Variants in BLTP1 observed in about 807,000 individuals in gnomAD.
The protein encoded by BLTP1 is fragile site-associated protein.
At chr4:122,174,606 G>A in the BLTP1 span, 6 of 1,609,000 alleles carry the variant, frequency 3.7e-6, no homozygotes, top group Non-Finnish European at 4.3e-6. Context: ...TTCTGGAAAA[G>A]TCATGGTTCG....
chr4:122,197,998 A>G, the BLTP1 span: 7 of 984,730 alleles, frequency 7.1e-6, no homozygotes, highest in African/African-American at 7.0e-5. Flanking sequence ...TTTAAAATCA[A>G]TCATCATTAG....
chr4:122,210,764 G>A, the BLTP1 span: 2 of 1,232,562 alleles, frequency 1.6e-6, no homozygotes, highest in Non-Finnish European at 2.2e-6. Context: ...ATTATGTAAA[G>A]ATTAGTTGAT....
At chr4:122,255,962 C>A in the BLTP1 span, 3 of 697,558 alleles carry the variant, frequency 4.3e-6, no homozygotes, top group Non-Finnish European at 5.3e-6. Flanking sequence ...ATCACCAGAG[C>A]CAAATTTCAC....
chr4:122,349,607 G>A, the BLTP1 span: 8 of 1,608,362 alleles, frequency 5.0e-6, no homozygotes, highest in Admixed American at 1.3e-4. The surrounding 1 kb of genome is among the most constrained non-coding windows in gnomAD (Gnocchi z 4.5). Context: ...AAGTAAACTT[G>A]TATAATACAT....
chr4:122,201,266 T>A, the BLTP1 span: 1 of 703,792 alleles, frequency 1.4e-6, no homozygotes, highest in Non-Finnish European at 2.2e-6. Flanking sequence ...CTGAAAATGT[T>A]AAAGAGAAAA....
At chr4:122,177,811 C>G in the BLTP1 span, 3 of 152,152 alleles carry the variant, frequency 2.0e-5, no homozygotes, top group Non-Finnish European at 4.4e-5. Flanking sequence ...CAGCACCCTC[C>G]CCCACAAACT....
chr4:122,271,073 A>T, the BLTP1 span: 84 of 1,613,720 alleles, frequency 5.2e-5, 1 homozygote, highest in East Asian at 1.8e-4. Context: ...AATGTTGGGA[A>T]CCTTTAGCAT....
At chr4:122,260,548 T>C in the BLTP1 span, among the ~76,000 whole-genome samples, 1 of 152,174 alleles carries the variant, frequency 6.6e-6, no homozygotes, top group Admixed American at 6.5e-5. Context: ...CTTATCAGAT[T>C]GAAAGACTAA....
chr4:122,298,299 A>G, the BLTP1 span: 1 of 719,854 alleles, frequency 1.4e-6, no homozygotes, highest in African/African-American at 1.9e-5. Context: ...AATAACCTGC[A>G]CCATGCTCTT....
the BLTP1 span, among the ~76,000 whole-genome samples, chr4:122,355,070 G>T: frequency 6.6e-6 from 1 of 152,018 alleles, no homozygotes; most frequent in Non-Finnish European, 1.5e-5. Flanking sequence ...AATGTTCCTA[G>T]AACAAAGGAG....
At chr4:122,251,992 A>G in the BLTP1 span, among the ~76,000 whole-genome samples, 2 of 152,282 alleles carry the variant, frequency 1.3e-5, no homozygotes, top group South Asian at 2.1e-4. Flanking sequence ...TAACAGAGTC[A>G]TGAAGCCTCC....
At chr4:122,249,533 T>G in the BLTP1 span, 2 of 1,613,656 alleles carry the variant, frequency 1.2e-6, no homozygotes, top group Non-Finnish European at 1.7e-6. Flanking sequence ...AAGTCCAAAG[T>G]TTTATTTACT....
the BLTP1 span, chr4:122,246,046 C>A: frequency 8.0e-7 from 1 of 1,252,510 alleles, no homozygotes; most frequent in Non-Finnish European, 1.0e-6. Flanking sequence ...ACGCAGCTGG[C>A]ACATAGATAG....
chr4:122,203,260 A>G, the BLTP1 span, among the ~76,000 whole-genome samples: 1 of 151,938 alleles, frequency 6.6e-6, no homozygotes, highest in African/African-American at 2.4e-5. Context: ...AAGAGATTTC[A>G]ATGTGGGACA....
chr4:122,250,937 C>G, the BLTP1 span: 1 of 985,046 alleles, frequency 1.0e-6, no homozygotes. Context: ...TATTTTATGT[C>G]AGTTCTAAAT....
the BLTP1 span, chr4:122,281,876 A>C: frequency 2.3e-6 from 3 of 1,324,384 alleles, no homozygotes; most frequent in Non-Finnish European, 2.9e-6. Context: ...AGATATTATA[A>C]GTAATTTTGA....
chr4:122,178,406 C>G, the BLTP1 span, among the ~76,000 whole-genome samples: 1 of 152,122 alleles, frequency 6.6e-6, no homozygotes, highest in Admixed American at 6.5e-5. Flanking sequence ...TGGACCTGCC[C>G]CTAATTGGAT....
the BLTP1 span, among the ~76,000 whole-genome samples, chr4:122,176,302 C>CA: frequency 0.048 from 6,559 of 137,300 alleles, 468 homozygotes; most frequent in African/African-American, 0.16. Flanking sequence ...TACTCTGTCT[C>CA]AAAAAAAAAA....
chr4:122,261,554 A>C, the BLTP1 span: 14,009 of 984,232 alleles, frequency 0.014, 109 homozygotes, highest in Non-Finnish European at 0.016. Flanking sequence ...TTTTTCATTA[A>C]TTGTGGAAAG....
Sources: gnomAD v4.1 joint callset for allele counts (sites outside exome capture counted in the v4.1 genomes callset) on GRCh38, gnomAD v4.1.1 for gene constraint, Gnocchi (gnomAD v3.1) non-coding constraint, MANE v1.5 for transcripts, NCBI Gene and HGNC (gene_info 2026-07-23, HGNC 2026-07-21) for gene names.